The following RBFOX1 variants were observed in gnomAD, a reference collection of about 807,000 sequenced individuals.
RBFOX1 encodes the protein RNA binding protein fox-1 homolog 1.
In RBFOX1, 8 loss-of-function variants were observed where a neutral mutation model predicts 57.7. The ratio of observed to expected loss-of-function variants is 0.14; its 90% CI spans 0.08 to 0.25. RBFOX1 has a LOEUF of 0.25. RBFOX1 is among the 10% of genes least tolerant of loss of function. The pLI is 1.00. For missense variants in RBFOX1, 611 were observed against 548.5 expected (o/e 1.11, Z -1.14); for synonymous variants, 326 against 222.4 (o/e 1.47, Z -4.15).
chr16:6,958,310 A>G (rs1372249597), intron 3 of RBFOX1, among the ~76,000 whole-genome samples: 3 of 152,222 alleles, frequency 2.0e-5, no homozygotes, highest in Non-Finnish European at 4.4e-5. Flanking sequence ...ACTCTATTCA[A>G]AATACACATT....
At chr16:5,345,734 G>C (rs2065125508) in intron 1 of RBFOX1, among the ~76,000 whole-genome samples, 1 of 152,130 alleles carries the variant, frequency 6.6e-6, no homozygotes, top group African/African-American at 2.4e-5. Flanking sequence ...GGGAGAGAGT[G>C]GTGGCACCTG....
intron 4 of RBFOX1, among the ~76,000 whole-genome samples, chr16:7,191,434 G>A (rs1302686565): frequency 6.6e-6 from 1 of 151,980 alleles, no homozygotes; most frequent in Non-Finnish European, 1.5e-5. Context: ...TTGTCCTCAT[G>A]GCTTGTAACA....
chr16:6,710,761 C>T (rs549924416), intron 3 of RBFOX1, among the ~76,000 whole-genome samples: 6 of 152,366 alleles, frequency 3.9e-5, no homozygotes, highest in South Asian at 4.1e-4. Context: ...CCTTGGCAAC[C>T]CCAAGCCTTA....
At chr16:5,684,643 C>G (rs1246996165) in intron 3 of RBFOX1, among the ~76,000 whole-genome samples, 1 of 152,096 alleles carries the variant, frequency 6.6e-6, no homozygotes, top group Admixed American at 6.6e-5. Flanking sequence ...AAATGGGACC[C>G]AAAGTTTGGA....
intron 4 of RBFOX1, among the ~76,000 whole-genome samples, chr16:7,070,405 C>G (rs373664333): frequency 1.3e-5 from 2 of 152,290 alleles, no homozygotes; most frequent in African/African-American, 4.8e-5. Context: ...CAGATATATG[C>G]ATATACCGAG....
intron 3 of RBFOX1, among the ~76,000 whole-genome samples, chr16:6,740,956 A>G (rs1156471141): frequency 6.6e-6 from 1 of 152,192 alleles, no homozygotes; most frequent in African/African-American, 2.4e-5. Flanking sequence ...AAACCAGTCT[A>G]CCTAGTTTCA....
chr16:7,042,902 G>A (rs1426838447), intron 3 of RBFOX1, among the ~76,000 whole-genome samples: 1 of 152,090 alleles, frequency 6.6e-6, no homozygotes, highest in Admixed American at 6.5e-5. Context: ...CTCCAGCCTG[G>A]GTGACAGAGG....
At chr16:5,506,879 C>A (rs572304494) in intron 2 of RBFOX1, among the ~76,000 whole-genome samples, 1 of 152,304 alleles carries the variant, frequency 6.6e-6, no homozygotes, top group African/African-American at 2.4e-5. Flanking sequence ...TTGATACCCT[C>A]CATTTGCATT....
intron 4 of RBFOX1, among the ~76,000 whole-genome samples, chr16:7,376,183 T>C (rs1256626292): frequency 6.6e-6 from 1 of 152,220 alleles, no homozygotes; most frequent in African/African-American, 2.4e-5. Context: ...GTTTATGAGC[T>C]ATGTCAATAT....
At position 6,053,971 on chromosome 16, in the gene RBFOX1, G is replaced by A. The variant is rs182034098; in HGVS notation, c.-127+33979G>A. Among the ~76,000 whole-genome samples the A allele has an allele frequency of 6.6e-5, 10 of 152,244 alleles. No homozygotes were observed. The East Asian group carries it at 1.4e-3, about 21-fold the overall frequency. On this transcript the variant is annotated intron_variant, in intron 1 of 15. Coordinates refer to ENST00000550418, the MANE Select transcript of RBFOX1 (RefSeq NM_018723.4). ...CTCAGGAGGCTCAGGTGGGAGGATC[G>A]CTTGAGCCCAGGAGGTTGAGGTTAC...
In RBFOX1 at chr16:7,709,080, C is replaced by T. The variant is rs2083427765; in HGVS notation, c.1020C>T (p.Asp340=). 5 of 1,613,902 alleles carry T rather than the reference C, an allele frequency of 3.1e-6. No homozygotes were observed. Among genetic ancestry groups the T allele is most frequent in the Non-Finnish European group, 4.2e-6 (5 of 1,179,898 alleles). ...GTTACGGACGAGTTTATGCTGCCGACCCCTACCACCACGCACTTGCTCCAG... is the reference window on the plus strand; with the variant it reads ...GTTACGGACGAGTTTATGCTGCCGATCCCTACCACCACGCACTTGCTCCAG... ...SDSYGRVYAA[D]PYHHALAPAP... is the part of the protein sequence containing the mutation. The change falls in exon 15 of 16, where the codon GAC becomes GAT. Residue 340 remains aspartate, a synonymous_variant. Transcript: ENST00000550418.
intron 3 of RBFOX1, among the ~76,000 whole-genome samples, chr16:6,952,100 G>C (rs964882452): frequency 6.6e-6 from 1 of 152,274 alleles, no homozygotes; most frequent in South Asian, 2.1e-4. Flanking sequence ...GAAAACGATT[G>C]CTTTGTTCCT....
intron 1 of RBFOX1, among the ~76,000 whole-genome samples, chr16:5,292,073 C>A (rs1312604139): frequency 6.6e-6 from 1 of 151,828 alleles, no homozygotes; most frequent in Non-Finnish European, 1.5e-5. Flanking sequence ...CCTAATTTAT[C>A]ACAGAGGGAT....
chr16:7,357,744 C>G (rs2097245865), intron 4 of RBFOX1, among the ~76,000 whole-genome samples: 1 of 152,194 alleles, frequency 6.6e-6, no homozygotes, highest in African/African-American at 2.4e-5. Context: ...GAGGTGCTTC[C>G]TGTGACCAAG....
intron 4 of RBFOX1, among the ~76,000 whole-genome samples, chr16:5,926,221 C>T (rs957764651): frequency 1.8e-4 from 28 of 152,176 alleles, no homozygotes; most frequent in African/African-American, 6.5e-4. Flanking sequence ...TATAATTACC[C>T]ATATGACACT....
intron 7 of RBFOX1, among the ~76,000 whole-genome samples, chr16:7,588,618 C>G (rs577143268): frequency 6.6e-6 from 1 of 152,176 alleles, no homozygotes; most frequent in Non-Finnish European, 1.5e-5. Context: ...ATAGTGATTT[C>G]AGCCCATTGA....
intron 1 of RBFOX1, among the ~76,000 whole-genome samples, chr16:6,039,156 G>T (rs1042629967): frequency 1.3e-5 from 2 of 151,920 alleles, no homozygotes; most frequent in African/African-American, 4.8e-5. Context: ...AACCAGCTGG[G>T]ATGCATGAGA....
intron 1 of RBFOX1, chr16:6,038,531 G>GATATATATATATATATATATATCATCCAT (rs3048348): frequency 2.3e-3 from 303 of 133,930 alleles, no homozygotes; most frequent in Admixed American, 3.8e-3. Flanking sequence ...TATCCGTGGA[G>GATATATATATATATATATATATCATCCAT]ATATATATAT....
chr16:6,574,482 G>A (rs1360402177), intron 2 of RBFOX1, among the ~76,000 whole-genome samples: 1 of 137,002 alleles, frequency 7.3e-6, no homozygotes, highest in Non-Finnish European at 1.5e-5. Context: ...AGGCTGGAGT[G>A]CAGTGGCGCG....
Sources: allele counts gnomAD v4.1 joint callset (sites outside exome capture counted in the v4.1 genomes callset), GRCh38; gene constraint gnomAD v4.1.1; transcripts MANE v1.5; gene names NCBI Gene and HGNC (gene_info 2026-07-23, HGNC 2026-07-21).